Variants in CYP4X1 observed in about 807,000 individuals in gnomAD.
CYP4X1 encodes cytochrome P450 family 4 subfamily X member 1, also known as cytochrome P450 4X1.
Under a neutral mutation model 57.9 loss-of-function variants are expected in CYP4X1, and 44 were observed. The ratio of observed to expected loss-of-function variants is 0.76; its 90% CI spans 0.60 to 0.98. The LOEUF (loss-of-function observed/expected upper bound fraction) is 0.98, where lower values mean the gene tolerates loss of function less well. Among genes scored for constraint, CYP4X1 ranks in the 50% least tolerant of loss-of-function variants. CYP4X1 has a pLI of 0.00. For missense variants in CYP4X1, 532 were observed against 623.9 expected (o/e 0.85, Z 1.57); for synonymous variants, 227 against 228.6 (o/e 0.99, Z 0.06).
the CYP4X1 span, among the ~76,000 whole-genome samples, chr1:47,017,093 C>T: frequency 6.6e-6 from 1 of 152,202 alleles, no homozygotes; most frequent in South Asian, 2.1e-4. Context: ...TTTCTTTATC[C>T]ATTCATCTGT....
rs114619570 is a variant in CYP4X1 at position 47,036,151 on chromosome 1, G to A, written c.755G>A (p.Arg252Gln). ...PQGYRFQKLSRVLNQYTDTII... is the reference protein window; with the variant it reads ...PQGYRFQKLSQVLNQYTDTII... ...GGCTACCGCTTCCAGAAGTTAAGCC[G>A]AGTGTTGAATCAGTACACAGGTATT... is the stretch of plus-strand genomic sequence containing the variant. The change falls in exon 6 of 12, where the codon CGA (arginine) becomes CAA (glutamine). Residue 252 changes from arginine (R) to glutamine (Q), a missense_variant. Coordinates refer to ENST00000371901, the MANE Select transcript of CYP4X1 (RefSeq NM_178033.2). 2.0e-5 allele frequency: 32 copies of A among 1,613,122 alleles called. No homozygotes were observed. The highest frequency in any genetic ancestry group is 1.1e-4 in the East Asian group (5 of 44,838).
chr1:46,998,947 A>C, the CYP4X1 span, among the ~76,000 whole-genome samples: 1 of 151,478 alleles, frequency 6.6e-6, no homozygotes, highest in Non-Finnish European at 1.5e-5. Flanking sequence ...TTTTTGTACA[A>C]GTACCATGTT....
At chr1:47,039,917 T>C (rs929893811) in intron 8 of CYP4X1, among the ~76,000 whole-genome samples, 1 of 152,146 alleles carries the variant, frequency 6.6e-6, no homozygotes, top group South Asian at 2.1e-4. Flanking sequence ...GCTGCATTAT[T>C]TAAGGCTCAT....
the CYP4X1 span, among the ~76,000 whole-genome samples, chr1:47,008,114 A>G: frequency 6.6e-6 from 1 of 152,196 alleles, no homozygotes; most frequent in African/African-American, 2.4e-5. Context: ...TCCAAGACAC[A>G]TAATTGTCAG....
intron 8 of CYP4X1, among the ~76,000 whole-genome samples, chr1:47,045,117 G>A (rs1358722524): frequency 2.6e-5 from 4 of 152,032 alleles, no homozygotes; most frequent in African/African-American, 7.3e-5. Context: ...GAGCCACTGC[G>A]CCTGGCCAGA....
At chr1:47,025,185 A>G (rs146786267) in intron 1 of CYP4X1, among the ~76,000 whole-genome samples, 6 of 151,276 alleles carry the variant, frequency 4.0e-5, no homozygotes, top group Non-Finnish European at 7.4e-5. Context: ...TCCCTCTTCA[A>G]CCCCCAGAAC....
chr1:47,001,111 G>A, the CYP4X1 span: 1 of 229,672 alleles, frequency 4.4e-6, no homozygotes, highest in Non-Finnish European at 9.9e-6. Flanking sequence ...GAATTGAGAT[G>A]TGGTTTCAGG....
chr1:46,974,469 G>A, the CYP4X1 span, among the ~76,000 whole-genome samples: 43 of 152,176 alleles, frequency 2.8e-4, no homozygotes, highest in African/African-American at 9.9e-4. Flanking sequence ...AAGTTTAAGA[G>A]CTAAATACCT....
chr1:47,029,960 G>A (rs1276419900), intron 1 of CYP4X1, 30 bp from the exon 2 acceptor site: 1 of 1,609,752 alleles, frequency 6.2e-7, no homozygotes, highest in Non-Finnish European at 8.5e-7. Flanking sequence ...CAGCTTGGCT[G>A]GCTAATTACT....
chr1:47,044,317 T>G (rs1644277793), intron 8 of CYP4X1, among the ~76,000 whole-genome samples: 1 of 152,230 alleles, frequency 6.6e-6, no homozygotes. Context: ...TAAAAGGCTA[T>G]TTTAAACTGA....
At chr1:47,033,409 TC>T in intron 4 of CYP4X1, 41 bp downstream of exon 4, 1 of 1,610,630 alleles carries the variant, frequency 6.2e-7, no homozygotes, top group Non-Finnish European at 8.5e-7. Flanking sequence ...TGCGAAATGC[TC>T]CCAGCAATGG....
At position 47,036,370 on chromosome 1, in the gene CYP4X1, T is replaced by TTATATATATATATATATA. The variant is rs58369367; in HGVS notation, c.775+215_775+216insTATATATATATATATATA. Among the ~76,000 whole-genome samples the TTATATATATATATATATA allele has an allele frequency of 8.3e-3, 1,074 of 129,694 alleles. 57 individuals are homozygous for TTATATATATATATATATA. The highest frequency in any genetic ancestry group is 0.054 in the South Asian group (191 of 3,538). 85.1% of individuals were successfully genotyped at this position (129,694 alleles called of 152,430 possible). On this transcript the variant is annotated intron_variant, in intron 6 of 11. Coordinates refer to ENST00000371901, the MANE Select transcript of CYP4X1 (RefSeq NM_178033.2). ...AACCATAGCAGTATTATCAGAATTT[T>TTATATATATATATATATA]TATATATATATATATACACTATTTT...
At chr1:47,017,883 T>C in the CYP4X1 span, among the ~76,000 whole-genome samples, 1 of 152,206 alleles carries the variant, frequency 6.6e-6, no homozygotes, top group Non-Finnish European at 1.5e-5. Context: ...TCTGACAACC[T>C]TGGGCACATG....
chr1:46,990,531 C>G, the CYP4X1 span, among the ~76,000 whole-genome samples: 11 of 152,058 alleles, frequency 7.2e-5, no homozygotes, highest in Admixed American at 2.6e-4. Context: ...ACCATTTGAC[C>G]CAGCAATCCG....
chr1:47,016,402 C>T, the CYP4X1 span, among the ~76,000 whole-genome samples: 18 of 150,616 alleles, frequency 1.2e-4, no homozygotes, highest in Non-Finnish European at 1.5e-4. Flanking sequence ...AGTGCAGTGG[C>T]GCTATCTTGG....
chr1:47,050,130 A>C lies in CYP4X1; in HGVS notation c.1486A>C (p.Lys496Gln), dbSNP rs1644347471. The C allele has an allele frequency of 6.2e-7, 1 of 1,613,910 alleles. No individual in the cohort carries two copies. The highest frequency in any genetic ancestry group is 1.3e-5 in the African/African-American group (1 of 74,890). Residue 496 changes from lysine (K) to glutamine (Q), a missense_variant, in exon 12 of 12, where the codon AAG becomes CAG. Transcript: ENST00000371901. Reference protein sequence around the residue: ...TFPNHFILKPKNGMYLHLKKL... With the variant: ...TFPNHFILKPQNGMYLHLKKL... ...CCCCAACCATTTTATCCTCAAGCCC[A>C]AGAATGGGATGTATTTGCACCTGAA...
the CYP4X1 span, among the ~76,000 whole-genome samples, chr1:46,962,433 G>A: frequency 6.6e-6 from 1 of 152,094 alleles, no homozygotes; most frequent in African/African-American, 2.4e-5. Flanking sequence ...TGAGTTTTCT[G>A]AATTGATTCT....
At chr1:46,978,116 T>C in the CYP4X1 span, among the ~76,000 whole-genome samples, 5 of 151,960 alleles carry the variant, frequency 3.3e-5, no homozygotes, top group Non-Finnish European at 5.9e-5. Flanking sequence ...ATCAAATTCA[T>C]GCATAACAAT....
the CYP4X1 span, among the ~76,000 whole-genome samples, chr1:47,010,278 A>AACTGGCACAAGACAGGGATGCCC: frequency 6.6e-6 from 1 of 152,204 alleles, no homozygotes; most frequent in Non-Finnish European, 1.5e-5. Context: ...AATAAATGTA[A>AACTGGCACAAGACAGGGATGCCC]TCCAGCATAT....
Sources: gnomAD v4.1 joint callset for allele counts (sites outside exome capture counted in the v4.1 genomes callset) on GRCh38, gnomAD v4.1.1 for gene constraint, MANE v1.5 for transcripts, NCBI Gene and HGNC (gene_info 2026-07-23, HGNC 2026-07-21) for gene names.